CFAP57: variants seen among roughly 807,000 people sequenced by gnomAD.
The protein encoded by CFAP57 is cilia- and flagella-associated protein 57.
A neutral mutation model predicts 146.8 loss-of-function variants in CFAP57; 116 were observed. The ratio of observed to expected loss-of-function variants is 0.79; its 90% confidence interval spans 0.68 to 0.92. The LOEUF is 0.92. Ranked by LOEUF, CFAP57 falls within the 40% of genes least tolerant of loss-of-function variation. The pLI is 0.00. For missense variants in CFAP57, 1,377 were observed against 1,527.2 expected, an observed-to-expected ratio of 0.90 and a Z score of 1.64; for synonymous variants, 518 against 552.8, an observed-to-expected ratio of 0.94 and a Z score of 0.88.
At chr1:43,200,765 TAGAG>T (rs1190070941) in intron 9 of CFAP57, among the ~76,000 whole-genome samples, 3 of 152,134 alleles carry the variant, frequency 2.0e-5, no homozygotes, top group Admixed American at 6.5e-5. Context: ...TGAGCAATGA[TAGAG>T]GGAGTAGGAA....
chr1:43,226,625 G>T (rs1645251240), intron 17 of CFAP57, among the ~76,000 whole-genome samples: 2 of 152,374 alleles, frequency 1.3e-5, no homozygotes, highest in Non-Finnish European at 2.9e-5. Context: ...CAAGGCAAAT[G>T]CAAGGGAAGG....
At chr1:43,231,529 T>C (rs1645466339) in intron 18 of CFAP57, among the ~76,000 whole-genome samples, 1 of 152,114 alleles carries the variant, frequency 6.6e-6, no homozygotes, top group Non-Finnish European at 1.5e-5. Flanking sequence ...CCCATGACTT[T>C]GGTTAATATA....
At chr1:43,205,940 A>G (rs992412850) in intron 9 of CFAP57, among the ~76,000 whole-genome samples, 1 of 152,166 alleles carries the variant, frequency 6.6e-6, no homozygotes, top group African/African-American at 2.4e-5. Context: ...TCTTGAATAA[A>G]TGTTTTTCCA....
chr1:43,245,096 G>A (rs1466554907), intron 22 of CFAP57, among the ~76,000 whole-genome samples: 1 of 152,088 alleles, frequency 6.6e-6, no homozygotes, highest in Non-Finnish European at 1.5e-5. Context: ...GAACGCTTGT[G>A]CCCAGGGTTC....
At chr1:43,182,893 A>G (rs549656107) in intron 3 of CFAP57, among the ~76,000 whole-genome samples, 30 of 152,336 alleles carry the variant, frequency 2.0e-4, no homozygotes, top group Middle Eastern at 3.4e-3. Flanking sequence ...CCAACTTACT[A>G]TGGTTCAACT....
intron 18 of CFAP57, chr1:43,232,266 G>A: frequency 1.7e-6 from 1 of 589,834 alleles, no homozygotes; most frequent in South Asian, 2.2e-5. Context: ...TGACTCAGAG[G>A]GAAAACTTCC....
At chr1:43,242,770 T>A (rs1454851801) in intron 21 of CFAP57, among the ~76,000 whole-genome samples, 1 of 152,166 alleles carries the variant, frequency 6.6e-6, no homozygotes, top group East Asian at 1.9e-4. Flanking sequence ...GCAAGTCATA[T>A]ACCTCTCTGT....
intron 7 of CFAP57, among the ~76,000 whole-genome samples, 166 bp from the exon 8 acceptor site, chr1:43,198,315 C>T (rs1643953879): frequency 6.6e-6 from 1 of 152,374 alleles, no homozygotes; most frequent in African/African-American, 2.4e-5. Flanking sequence ...ATGCTCCACG[C>T]TGGACATTAT....
intron 21 of CFAP57, among the ~76,000 whole-genome samples, chr1:43,241,884 G>A (rs1473120889): frequency 1.3e-5 from 2 of 152,156 alleles, no homozygotes; most frequent in African/African-American, 4.8e-5. Flanking sequence ...GTCTCTTTGG[G>A]CCCTTGGGGA....
At chr1:43,218,326 T>C (rs1300592272) in intron 12 of CFAP57, among the ~76,000 whole-genome samples, 1 of 152,084 alleles carries the variant, frequency 6.6e-6, no homozygotes, top group Non-Finnish European at 1.5e-5. Context: ...CTAGGCCGGG[T>C]GCGGTGGCTC....
chr1:43,250,626 A>G (rs1204827370), intron 22 of CFAP57, among the ~76,000 whole-genome samples: 1 of 152,128 alleles, frequency 6.6e-6, no homozygotes, highest in Non-Finnish European at 1.5e-5. Flanking sequence ...ACACTATCCA[A>G]CTGCTGCAGC....
chr1:43,225,067 GTTTGTTTGTTTGT>G (rs1645194436), intron 17 of CFAP57, among the ~76,000 whole-genome samples: 1 of 151,508 alleles, frequency 6.6e-6, no homozygotes, highest in African/African-American at 2.4e-5. Flanking sequence ...TTGTTTGTTT[GTTTGTTTGTTTGT>G]TTGTTTGTTT....
intron 10 of CFAP57, 75 bp from the exon 11 acceptor site, chr1:43,209,668 G>A (rs1284782470): frequency 9.8e-6 from 14 of 1,425,814 alleles, no homozygotes; most frequent in Non-Finnish European, 1.4e-5. Flanking sequence ...AGAGCAGAGG[G>A]CGAGAGAGTA....
intron 9 of CFAP57, 81 bp downstream of exon 9, chr1:43,199,584 AAG>A (rs71726621): frequency 0.2 from 242,393 of 1,202,348 alleles, 28,015 homozygotes; most frequent in Middle Eastern, 0.26. Context: ...AGGTGAACAA[AAG>A]AGAGATGGTT....
rs1274362309 is a variant in CFAP57 at position 43,198,602 on chromosome 1, G to A, written c.1384G>A (p.Asp462Asn). Reference protein sequence around the residue: ...KLRLMNLLIDDIRSFKEYSVR... With the variant: ...KLRLMNLLIDNIRSFKEYSVR... The stretch of plus-strand genomic sequence containing the variant: ...ACGCCTCATGAATCTACTCATTGAT[G>A]ATATACGTTCTTTCAAAGAATACTC... Residue 462 changes from aspartate to asparagine, a missense_variant, in exon 8 of 23, where the codon GAT becomes AAT. Transcript: ENST00000372492. 1.2e-6 allele frequency: 2 copies of A among 1,614,030 alleles called. No individual in the cohort carries two copies. The highest frequency in any genetic ancestry group is 8.5e-7 in the Non-Finnish European group (1 of 1,179,998).
At chr1:43,207,584 A>G (rs1265091325) in intron 10 of CFAP57, among the ~76,000 whole-genome samples, 1 of 152,224 alleles carries the variant, frequency 6.6e-6, no homozygotes, top group African/African-American at 2.4e-5. Flanking sequence ...CATGTATCCC[A>G]TATCAAGCGA....
At chr1:43,187,476 C>T (rs1252853374) in intron 6 of CFAP57, among the ~76,000 whole-genome samples, 1 of 151,436 alleles carries the variant, frequency 6.6e-6, no homozygotes, top group African/African-American at 2.4e-5. Flanking sequence ...TTTTTAATAA[C>T]AACTTAATTG....
At chr1:43,232,677 C>A in intron 19 of CFAP57, 53 bp downstream of exon 19, 1 of 1,333,234 alleles carries the variant, frequency 7.5e-7, no homozygotes, top group Non-Finnish European at 1.0e-6. Flanking sequence ...TGGCACCTAT[C>A]TGCAATGGGC....
intron 3 of CFAP57, among the ~76,000 whole-genome samples, chr1:43,182,498 G>T (rs1264734726): frequency 6.6e-6 from 1 of 152,132 alleles, no homozygotes; most frequent in Non-Finnish European, 1.5e-5. Flanking sequence ...AGTGTCTCTG[G>T]CATAGACTCA....
Sources: gnomAD v4.1 joint callset for allele counts (sites outside exome capture counted in the v4.1 genomes callset) on GRCh38, gnomAD v4.1.1 for gene constraint, MANE v1.5 for transcripts, NCBI Gene and HGNC (gene_info 2026-07-23, HGNC 2026-07-21) for gene names.